SIPA1L2: variants seen among roughly 807,000 people sequenced by gnomAD.
SIPA1L2 encodes the protein signal induced proliferation associated 1 like 2, also known as signal-induced proliferation-associated 1-like protein 2.
Under a neutral mutation model 163.9 loss-of-function variants are expected in SIPA1L2, and 56 were observed. That is an observed-to-expected ratio of 0.34 (90% CI 0.28 to 0.43). SIPA1L2 has a LOEUF of 0.43. Ranked by LOEUF, SIPA1L2 falls within the 20% of genes least tolerant of loss-of-function variation. The pLI, the probability that SIPA1L2 is intolerant of heterozygous loss-of-function variation, is 1.00. For synonymous variants in SIPA1L2, 877 were observed against 865.7 expected, an observed-to-expected ratio of 1.01 and a Z score of -0.23; for missense variants, 1,974 against 2,193.5, an observed-to-expected ratio of 0.90 and a Z score of 2.00.
intron 2 of SIPA1L2, among the ~76,000 whole-genome samples, chr1:232,552,169 G>T (rs1046384564): frequency 6.6e-6 from 1 of 152,102 alleles, no homozygotes; most frequent in South Asian, 2.1e-4. Context: ...GCCAGAGAGG[G>T]TTAGATTTAT....
chr1:232,461,049 C>T lies in SIPA1L2; in HGVS notation c.2933G>A (p.Gly978Asp), dbSNP rs1664209490. 1.2e-6 allele frequency: 2 copies of T among 1,614,280 alleles called. No homozygotes were observed. The highest frequency in any genetic ancestry group is 1.7e-6 in the Non-Finnish European group (2 of 1,180,056). ...EGIVADVEPF[G>D]FAWKAGLRQG... ...GCGAAGGCCAGCCTTCCAGGCAAAG[C>T]CAAAAGGTTCCACATCTGCGACAAT... Residue 978 changes from glycine to aspartate, a missense_variant, in exon 10 of 23, where the codon GGC (glycine) becomes GAC (aspartate). Physicochemically the swap from Gly to Asp is moderately conservative, Grantham distance 94 (BLOSUM62 -1). Around this residue, in one of 3 missense-constraint regions of SIPA1L2, gnomAD observed 1,079 missense variants for 1,150.7 expected, o/e 0.94. Coordinates refer to ENST00000674635, the MANE Select transcript of SIPA1L2 (RefSeq NM_020808.5).
chr1:232,502,746 G>A (rs1364896344), intron 3 of SIPA1L2, among the ~76,000 whole-genome samples: 1 of 152,068 alleles, frequency 6.6e-6, no homozygotes, highest in Non-Finnish European at 1.5e-5. Flanking sequence ...ATCTTCTAAG[G>A]GCTCACAATG....
intron 1 of SIPA1L2, among the ~76,000 whole-genome samples, chr1:232,619,537 A>G (rs1662686428): frequency 6.6e-6 from 1 of 152,220 alleles, no homozygotes; most frequent in Non-Finnish European, 1.5e-5. Flanking sequence ...AACATCAGGA[A>G]GTTTAACTAG....
chr1:232,443,869 A>G (rs1436148965), intron 11 of SIPA1L2, among the ~76,000 whole-genome samples, 184 bp from the exon 12 acceptor site: 2 of 152,238 alleles, frequency 1.3e-5, no homozygotes, highest in Non-Finnish European at 2.9e-5. Context: ...ATGCCCAGGG[A>G]TATCAGTGGT....
chr1:232,418,474 A>G (rs1320236380), intron 18 of SIPA1L2, among the ~76,000 whole-genome samples: 4 of 152,210 alleles, frequency 2.6e-5, no homozygotes, highest in Non-Finnish European at 5.9e-5. Flanking sequence ...TTGCCAAGGC[A>G]CAAACATGAA....
chr1:232,419,050 G>A (rs903709332), intron 18 of SIPA1L2, among the ~76,000 whole-genome samples: 2 of 152,214 alleles, frequency 1.3e-5, no homozygotes. Flanking sequence ...TAAGTCTTCT[G>A]CAGAAAGCAA....
chr1:232,557,459 C>T (rs546846004), intron 2 of SIPA1L2, among the ~76,000 whole-genome samples: 1 of 152,176 alleles, frequency 6.6e-6, no homozygotes, highest in South Asian at 2.1e-4. Flanking sequence ...ACTATCTTAA[C>T]CCCACAACAC....
chr1:232,617,680 GAAACA>G (rs1399127097), intron 1 of SIPA1L2, among the ~76,000 whole-genome samples: 2 of 152,212 alleles, frequency 1.3e-5, no homozygotes, highest in Admixed American at 1.3e-4. Flanking sequence ...ATAAAGGTGG[GAAACA>G]AAAAGAGTAA....
intron 19 of SIPA1L2, among the ~76,000 whole-genome samples, chr1:232,414,554 G>C (rs79847156): frequency 0.061 from 9,297 of 152,188 alleles, 807 homozygotes; most frequent in East Asian, 0.44. Flanking sequence ...GAAGGGCCCT[G>C]AGGCCTGAGA....
chr1:232,439,203 C>T lies in SIPA1L2; in HGVS notation c.3936G>A (p.Lys1312=), dbSNP rs1212300418. ...ACGCGTAGCCATGCACAGAATATAA[C>T]TTGGCTGGCTCGTCGTCAGGCCCAG... The part of the protein sequence containing the change: ...DVSGPDDEPA[K]LYSVHGYAST... The change falls in exon 15 of 23, where the codon AAG becomes AAA. Residue 1312 remains lysine (K), a synonymous_variant. Coordinates refer to ENST00000674635, the MANE Select transcript of SIPA1L2 (RefSeq NM_020808.5). 1 of 1,613,828 alleles carries T rather than the reference C, an allele frequency of 6.2e-7. No individual in the cohort carries two copies. Among genetic ancestry groups the T allele is most frequent in the Non-Finnish European group, 8.5e-7 (1 of 1,180,040 alleles).
chr1:232,611,909 G>A (rs1662255975), intron 1 of SIPA1L2, among the ~76,000 whole-genome samples: 1 of 152,188 alleles, frequency 6.6e-6, no homozygotes, highest in Non-Finnish European at 1.5e-5. Context: ...CTTCCCAGCA[G>A]CCCCTCCCAT....
chr1:232,478,381 C>T (rs978115875), intron 7 of SIPA1L2, among the ~76,000 whole-genome samples: 1 of 152,116 alleles, frequency 6.6e-6, no homozygotes, highest in Non-Finnish European at 1.5e-5. Context: ...GGGTCAGAGG[C>T]CTGCTTTCTC....
intron 2 of SIPA1L2, among the ~76,000 whole-genome samples, chr1:232,527,077 G>A (rs542406309): frequency 6.6e-6 from 1 of 152,146 alleles, no homozygotes; most frequent in Non-Finnish European, 1.5e-5. Context: ...TGATCTGGTG[G>A]GTGAAGAAAA....
At position 232,513,927 on chromosome 1, in the gene SIPA1L2, T is replaced by C; in HGVS notation, c.1413A>G (p.Lys471=). ...TGTGTTCTATGATGTAGCGCTTCAC[T>C]TTCTCCCTGTGAATAGGCTGGTTTT... is the stretch of plus-strand genomic sequence containing the variant. ...PRENQPIHRE[K]VKRYIIEHID... is the part of the protein sequence containing the mutation. The change falls in exon 3 of 23, where the codon AAA becomes AAG. Residue 471 remains lysine, a synonymous_variant. Transcript: ENST00000674635. 1 of 1,613,960 alleles carries C rather than the reference T, an allele frequency of 6.2e-7. No individual in the cohort carries two copies. Among genetic ancestry groups the C allele is most frequent in the Non-Finnish European group, 8.5e-7 (1 of 1,179,948 alleles).
rs368515379 is a variant in SIPA1L2 at position 232,465,285 on chromosome 1, T to G, written c.2375A>C (p.His792Pro). Residue 792 changes from histidine to proline, a missense_variant, in exon 9 of 23, where the codon CAT (histidine) becomes CCT (proline). His to Pro is a moderately conservative substitution (Grantham distance 77). Around this residue, in one of 3 missense-constraint regions of SIPA1L2, gnomAD observed 288 missense variants for 418.9 expected, o/e 0.69. Coordinates refer to ENST00000674635, the MANE Select transcript of SIPA1L2 (RefSeq NM_020808.5). This position sits in a 1 kb window ranked among gnomAD's most constrained non-coding sequence, Gnocchi z 4.1. ...AKVINAENAA[H>P]KSEKFRAMAT... is the part of the protein sequence containing the mutation. Reference sequence around the variant, plus strand: ...CATTGCTCGAAACTTTTCTGATTTATGGGCTGCATTTTCTGCATTGATTAC... The same window carrying G: ...CATTGCTCGAAACTTTTCTGATTTAGGGGCTGCATTTTCTGCATTGATTAC... 2.5e-6 allele frequency: 4 copies of G among 1,614,098 alleles called. No individual in the cohort carries two copies. Among genetic ancestry groups the G allele is most frequent in the Non-Finnish European group, 3.4e-6 (4 of 1,180,038 alleles).
chr1:232,485,971 G>A (rs1226719794), intron 5 of SIPA1L2, among the ~76,000 whole-genome samples: 1 of 152,068 alleles, frequency 6.6e-6, no homozygotes, highest in Non-Finnish European at 1.5e-5. Flanking sequence ...GTCCCTGTTC[G>A]CCCATCCTCT....
intron 1 of SIPA1L2, among the ~76,000 whole-genome samples, chr1:232,610,175 T>A (rs1170054164): frequency 6.6e-6 from 1 of 152,192 alleles, no homozygotes; most frequent in Non-Finnish European, 1.5e-5. Context: ...TTTTAAAATG[T>A]TGTACTGTAT....
At chr1:232,416,432 G>A (rs539881362) in intron 18 of SIPA1L2, among the ~76,000 whole-genome samples, 48 of 152,282 alleles carry the variant, frequency 3.2e-4, no homozygotes, top group African/African-American at 1.1e-3. Context: ...GTAATTTCGC[G>A]GTTTTCTTCC....
intron 2 of SIPA1L2, among the ~76,000 whole-genome samples, chr1:232,540,520 C>T (rs1657590447): frequency 6.6e-6 from 1 of 152,120 alleles, no homozygotes; most frequent in Non-Finnish European, 1.5e-5. Context: ...TCACAGTCTT[C>T]ACAGTCAGAG....
Sources: allele counts gnomAD v4.1 joint callset (sites outside exome capture counted in the v4.1 genomes callset), GRCh38; gene constraint gnomAD v4.1.1; regional missense constraint gnomAD v4.1.1; non-coding constraint Gnocchi (gnomAD v3.1); transcripts MANE v1.5; gene names NCBI Gene and HGNC (gene_info 2026-07-23, HGNC 2026-07-21).